PPARG: variants seen among roughly 807,000 people sequenced by gnomAD.
PPARG encodes the protein peroxisome proliferator-activated receptor gamma.
Under a neutral mutation model 39.2 loss-of-function variants are expected in PPARG, and 17 were observed. The ratio of observed to expected loss-of-function variants is 0.43; its 90% CI spans 0.30 to 0.65. The LOEUF (loss-of-function observed/expected upper bound fraction) is 0.65, where lower values mean the gene tolerates loss of function less well. PPARG is among the 30% of genes least tolerant of loss of function. The pLI, the probability that PPARG is intolerant of heterozygous loss-of-function variation, is 0.13. For missense variants in PPARG, 406 were observed against 585.9 expected (o/e 0.69, Z 3.17); for synonymous variants, 223 against 215.7 (o/e 1.03, Z -0.30).
In PPARG at chr3:12,366,331, A is replaced by AT. The variant is rs538059995; in HGVS notation, c.-8-13361dup. Among the ~76,000 whole-genome samples, 324 of 145,714 alleles carry AT rather than the reference A, an allele frequency of 2.2e-3. 1 individual carries two copies. The highest frequency in any genetic ancestry group is 8.0e-3 in the East Asian group (40 of 4,986). On this transcript the variant is annotated intron_variant, in intron 2 of 7. Transcript: ENST00000651735. ...TATAATCACTTACTAGGTCCAGGAG[A>AT]TTTTTTTTTTTTCTGTTCTTTTGGA...
intron 2 of PPARG, among the ~76,000 whole-genome samples, chr3:12,342,819 C>A (rs923343469): frequency 3.3e-5 from 5 of 151,058 alleles, no homozygotes; most frequent in Non-Finnish European, 4.4e-5. Context: ...AACAAAAAAA[C>A]CCCTACCTTT....
At chr3:12,345,191 A>G (rs1038362212) in intron 2 of PPARG, among the ~76,000 whole-genome samples, 2 of 152,224 alleles carry the variant, frequency 1.3e-5, no homozygotes, top group African/African-American at 4.8e-5. Context: ...ACATCATACC[A>G]GAAGAACCCC....
At position 12,405,841 on chromosome 3, in the gene PPARG, G is replaced by C. The variant is rs371592156; in HGVS notation, c.530-41G>C. The C allele has an allele frequency of 3.2e-6, 5 of 1,583,996 alleles. No homozygotes were observed. In the African/African-American group the frequency reaches 6.7e-5, roughly 21 times the overall value. ...AGCACAGTGTGTGTTCAGAGCAGTA[G>C]TAATCCAATGATTCATCCTGTCATT... On this transcript the variant is annotated intron_variant, in intron 5 of 7. Transcript: ENST00000651735.
intron 2 of PPARG, among the ~76,000 whole-genome samples, chr3:12,331,607 G>C (rs553767909): frequency 6.6e-6 from 1 of 152,326 alleles, no homozygotes; most frequent in African/African-American, 2.4e-5. Flanking sequence ...TGGCAGACAG[G>C]ACGCCAGGTG....
intron 2 of PPARG, among the ~76,000 whole-genome samples, chr3:12,351,042 T>TA (rs2048470558): frequency 6.6e-6 from 1 of 152,214 alleles, no homozygotes; most frequent in Non-Finnish European, 1.5e-5. Context: ...TATGGATACA[T>TA]ATTTGAATTC....
intron 1 of PPARG, among the ~76,000 whole-genome samples, chr3:12,307,208 CA>C (rs1448916075): frequency 6.9e-6 from 1 of 145,890 alleles, no homozygotes; most frequent in African/African-American, 2.6e-5. Flanking sequence ...TCTCAGGATA[CA>C]GAGGTCAATT....
At chr3:12,404,631 C>T (rs1469305467) in intron 5 of PPARG, among the ~76,000 whole-genome samples, 2 of 152,110 alleles carry the variant, frequency 1.3e-5, no homozygotes, top group Non-Finnish European at 2.9e-5. Context: ...TGGTAAAACC[C>T]TGTCTCTACT....
intron 2 of PPARG, among the ~76,000 whole-genome samples, chr3:12,370,558 G>A (rs1321358483): frequency 1.3e-5 from 2 of 152,090 alleles, no homozygotes; most frequent in African/African-American, 4.8e-5. Flanking sequence ...AGAGATAGTC[G>A]CAAACTTCAA....
chr3:12,365,188 A>T (rs2048975049), intron 2 of PPARG, among the ~76,000 whole-genome samples: 1 of 152,190 alleles, frequency 6.6e-6, no homozygotes, highest in South Asian at 2.1e-4. Context: ...CTCAGGCTAT[A>T]ATGCTTGCCC....
intron 7 of PPARG, among the ~76,000 whole-genome samples, chr3:12,422,482 C>T (rs1320001430): frequency 3.3e-5 from 5 of 152,152 alleles, no homozygotes; most frequent in Non-Finnish European, 7.3e-5. Context: ...CTACTTTTTG[C>T]GTATTGAGAT....
At chr3:12,316,664 A>G (rs2047396953) in intron 2 of PPARG, among the ~76,000 whole-genome samples, 1 of 151,882 alleles carries the variant, frequency 6.6e-6, no homozygotes, top group Non-Finnish European at 1.5e-5. Context: ...CTTCATTGCC[A>G]GGGTGTCTGG....
At chr3:12,334,058 T>C (rs1318642830) in intron 2 of PPARG, among the ~76,000 whole-genome samples, 1 of 152,218 alleles carries the variant, frequency 6.6e-6, no homozygotes, top group East Asian at 1.9e-4. Flanking sequence ...TTACTTAACT[T>C]TTCACCTCTT....
intron 4 of PPARG, among the ~76,000 whole-genome samples, chr3:12,391,050 G>A (rs1236592924): frequency 6.6e-6 from 1 of 152,090 alleles, no homozygotes; most frequent in Non-Finnish European, 1.5e-5. Flanking sequence ...TCACAATTGG[G>A]AATCACAAAC....
intron 2 of PPARG, among the ~76,000 whole-genome samples, chr3:12,366,314 CT>C (rs1178770024): frequency 2.0e-5 from 3 of 151,510 alleles, no homozygotes; most frequent in African/African-American, 7.3e-5. Flanking sequence ...GCTATAATCA[CT>C]TACTAGGTCC....
chr3:12,378,421 A>G (rs747222413), intron 2 of PPARG, among the ~76,000 whole-genome samples: 1 of 152,166 alleles, frequency 6.6e-6, no homozygotes, highest in Non-Finnish European at 1.5e-5. Flanking sequence ...CTGTATATAT[A>G]TACACACATA....
intron 5 of PPARG, among the ~76,000 whole-genome samples, chr3:12,402,163 A>G (rs1323510711): frequency 1.3e-5 from 2 of 152,222 alleles, no homozygotes. Flanking sequence ...CCTGGCGCAC[A>G]ATAGTCATTC....
rs1417459122 is a variant in PPARG, at chr3:12,416,706, A to G, written c.732A>G (p.Pro244=). Residue 244 remains proline (P), a splice_region_variant and synonymous_variant, in exon 7 of 8, where the codon CCA becomes CCG. Transcript: ENST00000651735. ...ILTGKTTDKS[P]FVIYDMNSLM... ...CGTTTTCCCTGTTTTATTTGCAGCC[A>G]TTCGTTATCTATGACATGAATTCCT... The G allele has an allele frequency of 1.2e-6, 2 of 1,613,392 alleles. No homozygotes were observed.
At chr3:12,410,309 G>A (rs1490151830) in intron 6 of PPARG, among the ~76,000 whole-genome samples, 1 of 152,196 alleles carries the variant, frequency 6.6e-6, no homozygotes, top group Non-Finnish European at 1.5e-5. Flanking sequence ...TAACTGAATG[G>A]ACTTTGGAAG....
At chr3:12,424,593 C>T (rs142754164) in intron 7 of PPARG, among the ~76,000 whole-genome samples, 58 of 152,294 alleles carry the variant, frequency 3.8e-4, no homozygotes, top group African/African-American at 1.3e-3. Flanking sequence ...TTCACCAAGA[C>T]GTTCAGACAG....
Sources: gnomAD v4.1 joint callset for allele counts (sites outside exome capture counted in the v4.1 genomes callset) on GRCh38, gnomAD v4.1.1 for gene constraint, MANE v1.5 for transcripts, NCBI Gene and HGNC (gene_info 2026-07-23, HGNC 2026-07-21) for gene names.